THADA: variants seen among roughly 807,000 people sequenced by gnomAD.
THADA encodes tRNA (32-2'-O)-methyltransferase regulator THADA.
Under a neutral mutation model 219.8 loss-of-function variants are expected in THADA, and 213 were observed. The observed-to-expected ratio is 0.97, with a 90% confidence interval of 0.87 to 1.09. The LOEUF (loss-of-function observed/expected upper bound fraction) is 1.09. THADA is among the 50% of genes least tolerant of loss of function. THADA has a pLI of 0.00. For synonymous variants in THADA, 1,018 were observed against 828.9 expected (o/e 1.23, Z -3.92); for missense variants, 2,956 against 2,311.3 (o/e 1.28, Z -5.72).
At chr2:43,505,765 G>C in intron 23 of THADA, 30 bp from the exon 24 acceptor site, 1 of 1,486,672 alleles carries the variant, frequency 6.7e-7, no homozygotes, top group Non-Finnish European at 9.2e-7. Context: ...AAATTAACAG[G>C]GTTCTTAGTT....
At chr2:43,567,525 G>A (rs1698827892) in intron 14 of THADA, among the ~76,000 whole-genome samples, 1 of 152,144 alleles carries the variant, frequency 6.6e-6, no homozygotes, top group African/African-American at 2.4e-5. Flanking sequence ...TACTCGGGAG[G>A]CTGAGGCAGG....
intron 15 of THADA, chr2:43,564,265 G>C (rs1188657489): frequency 6.6e-6 from 1 of 152,248 alleles, no homozygotes; most frequent in Non-Finnish European, 1.5e-5. Context: ...CATACTTGGT[G>C]CTTAAAACCA....
At chr2:43,571,896 C>A in intron 12 of THADA, 34 bp from the exon 13 acceptor site, 1 of 1,602,202 alleles carries the variant, frequency 6.2e-7, no homozygotes, top group South Asian at 1.1e-5. Flanking sequence ...TGTTAATTTT[C>A]CAAGAAATAA....
At chr2:43,565,668 T>C (rs1003647974) in intron 15 of THADA, 1 of 152,250 alleles carries the variant, frequency 6.6e-6, no homozygotes, top group Admixed American at 6.5e-5. Context: ...AGCTCCCTCA[T>C]GCTTTGGCCA....
At position 43,527,958 on chromosome 2, in the gene THADA, G is replaced by A. The variant is rs1693371940; in HGVS notation, c.3295C>T (p.His1099Tyr). The change falls in exon 22 of 38, where the codon CAC (histidine) becomes TAC (tyrosine). Residue 1099 changes from histidine (H) to tyrosine (Y), a missense_variant. Transcript: ENST00000405975. ...VKEIGDYFKQHLLQSRHRGAF... is the reference protein window; with the variant it reads ...VKEIGDYFKQYLLQSRHRGAF... ...CCTCTGTGCCTGGACTGCAAAAGGT[G>A]TTGTTTAAAGTAATCTCCTATTTCT... 1.2e-6 allele frequency: 2 copies of A among 1,613,076 alleles called. No homozygotes were observed. Among genetic ancestry groups the A allele is most frequent in the South Asian group, 1.1e-5 (1 of 90,990 alleles).
intron 20 of THADA, among the ~76,000 whole-genome samples, chr2:43,542,696 T>A (rs1695482181): frequency 6.6e-6 from 1 of 152,140 alleles, no homozygotes; most frequent in Non-Finnish European, 1.5e-5. Flanking sequence ...ATGAACCACA[T>A]TGCTGGGAGA....
intron 28 of THADA, among the ~76,000 whole-genome samples, chr2:43,411,760 T>C (rs1676335734): frequency 6.6e-6 from 1 of 152,196 alleles, no homozygotes; most frequent in Non-Finnish European, 1.5e-5. Context: ...GTTACAAGTA[T>C]ACAGTTTCAA....
At chr2:43,294,679 G>A (rs1675152574) in intron 31 of THADA, among the ~76,000 whole-genome samples, 3 of 152,128 alleles carry the variant, frequency 2.0e-5, no homozygotes, top group South Asian at 4.1e-4. Flanking sequence ...TCGTTGAGGA[G>A]GCAATATTAG....
At chr2:43,436,433 G>A (rs1680119486) in intron 26 of THADA, among the ~76,000 whole-genome samples, 1 of 152,128 alleles carries the variant, frequency 6.6e-6, no homozygotes, top group Non-Finnish European at 1.5e-5. Context: ...ACCAACTGCT[G>A]GGTCTGTGAG....
chr2:43,576,389 T>C (rs778883096), intron 10 of THADA, among the ~76,000 whole-genome samples: 50 of 152,282 alleles, frequency 3.3e-4, no homozygotes, highest in African/African-American at 1.2e-3. Flanking sequence ...CCTTCTAAGA[T>C]TGCTGTTTCA....
In THADA at chr2:43,574,739, C is replaced by T; in HGVS notation, c.1326G>A (p.Glu442=). ...VPDPFFVELT[E]SLLRLEWHIK... ...TATGCCATTCCAATCGTAAAAGACT[C>T]TCAGTCAATTCCACAAAGAAAGGAT... The change falls in exon 11 of 38, where the codon GAG becomes GAA. Residue 442 remains glutamate (E), a synonymous_variant. Transcript: ENST00000405975. 1 of 1,614,042 alleles carries T rather than the reference C, an allele frequency of 6.2e-7. No individual in the cohort carries two copies. Among genetic ancestry groups the T allele is most frequent in the Non-Finnish European group, 8.5e-7 (1 of 1,179,890 alleles).
intron 29 of THADA, among the ~76,000 whole-genome samples, chr2:43,380,657 C>T (rs1038456351): frequency 3.9e-5 from 6 of 152,174 alleles, no homozygotes; most frequent in Non-Finnish European, 8.8e-5. Flanking sequence ...CGGTAACACC[C>T]TAGTAGCCAT....
rs1254001976 is a variant in THADA, at chr2:43,484,632, C to T, written c.3836+602G>A. ...TTTTTATCTAAAAACTACCCAAAAT[C>T]AAAATGGTTCCACAGGTTTCTTTTC... On this transcript the variant is annotated intron_variant, in intron 26 of 37. Transcript: ENST00000405975. Among the ~76,000 whole-genome samples, 3 of 152,038 alleles carry T rather than the reference C, an allele frequency of 2.0e-5. No individual in the cohort carries two copies. In the East Asian group the frequency reaches 5.8e-4, roughly 29 times the overall value.
At chr2:43,472,458 T>A (rs970955177) in intron 26 of THADA, among the ~76,000 whole-genome samples, 1 of 152,124 alleles carries the variant, frequency 6.6e-6, no homozygotes, top group East Asian at 1.9e-4. Context: ...AACAAGAGAA[T>A]CATTGAAAGA....
chr2:43,578,641 A>C (rs747301926), intron 8 of THADA, 34 bp from the exon 9 acceptor site: 1 of 1,469,058 alleles, frequency 6.8e-7, no homozygotes. Flanking sequence ...GCTTGTGTTA[A>C]ATAATGAATA....
intron 28 of THADA, chr2:43,408,527 T>C (rs1308335429): frequency 6.6e-6 from 1 of 152,204 alleles, no homozygotes; most frequent in Non-Finnish European, 1.5e-5. Flanking sequence ...TTAAGTGACT[T>C]TTTTGGTGAA....
intron 10 of THADA, among the ~76,000 whole-genome samples, chr2:43,576,199 T>C (rs752730626): frequency 9.3e-4 from 141 of 152,360 alleles, no homozygotes; most frequent in Non-Finnish European, 1.6e-3. Context: ...ACTTCAAATT[T>C]ATGAATTGCA....
At chr2:43,502,314 G>A (rs530605989) in intron 24 of THADA, among the ~76,000 whole-genome samples, 18 of 152,142 alleles carry the variant, frequency 1.2e-4, no homozygotes, top group Non-Finnish European at 1.0e-4. Flanking sequence ...GTCAGGTGTG[G>A]TGGCTCACGC....
chr2:43,420,679 A>G (rs914714609), intron 28 of THADA, among the ~76,000 whole-genome samples: 1 of 152,260 alleles, frequency 6.6e-6, no homozygotes, highest in Admixed American at 6.5e-5. Context: ...GCTCAAAAAC[A>G]TATTTAGAAA....
Sources: gnomAD v4.1 joint callset for allele counts (sites outside exome capture counted in the v4.1 genomes callset) on GRCh38, gnomAD v4.1.1 for gene constraint, MANE v1.5 for transcripts, NCBI Gene and HGNC (gene_info 2026-07-23, HGNC 2026-07-21) for gene names.